APP: variants seen among roughly 807,000 people sequenced by gnomAD.
APP encodes the protein amyloid-beta precursor protein.
Under a neutral mutation model 101.4 loss-of-function variants are expected in APP, and 31 were observed. The observed-to-expected ratio is 0.31, with a 90% CI of 0.23 to 0.41. The LOEUF is 0.41. Ranked by LOEUF, APP falls within the 10% of genes least tolerant of loss-of-function variation. The pLI, the probability that APP is intolerant of heterozygous loss-of-function variation, is 1.00. For missense variants in APP, 839 were observed against 1,003.7 expected (o/e 0.84, Z 2.22); for synonymous variants, 366 against 364.4 (o/e 1.00, Z -0.05).
intron 2 of APP, among the ~76,000 whole-genome samples, chr21:26,101,106 T>C (rs1370891873): frequency 4.9e-5 from 7 of 143,434 alleles, no homozygotes; most frequent in Admixed American, 4.8e-4. Context: ...TTTTTTTTTT[T>C]TTTTTTTTTT....
intron 5 of APP, among the ~76,000 whole-genome samples, chr21:26,033,844 G>C (rs1038127335): frequency 2.0e-5 from 3 of 152,086 alleles, no homozygotes; most frequent in Non-Finnish European, 4.4e-5. Context: ...TGAGTAAGAG[G>C]AGGAATCTGA....
intron 1 of APP, among the ~76,000 whole-genome samples, chr21:26,128,793 C>T (rs1021923770): frequency 5.3e-5 from 8 of 151,550 alleles, no homozygotes; most frequent in African/African-American, 1.7e-4. Context: ...TGTATTTGAC[C>T]GTGGGCCACT....
In APP at chr21:26,071,168, A is replaced by G. The variant is rs1395291552; in HGVS notation, c.356-17820T>C. ...CTTAAGCAATAAAGCAAGGCATCAA[A>G]TGAAAGTGCACTCAGGCTTCAAACA... On this transcript the variant is annotated intron_variant, in intron 3 of 17. Coordinates refer to ENST00000346798, the MANE Select transcript of APP (RefSeq NM_000484.4). Among the ~76,000 whole-genome samples, 4 of 152,162 alleles carry G rather than the reference A, an allele frequency of 2.6e-5. No individual in the cohort carries two copies. The East Asian group carries it at 7.7e-4, about 29-fold the overall frequency.
At chr21:25,969,994 G>C (rs1029787600) in intron 11 of APP, among the ~76,000 whole-genome samples, 48 of 131,790 alleles carry the variant, frequency 3.6e-4, no homozygotes, top group African/African-American at 1.3e-3. Context: ...AGGAGAGAAA[G>C]AGAAACAGAG....
At chr21:26,092,268 A>T (rs1190990745) in intron 2 of APP, among the ~76,000 whole-genome samples, 1 of 152,230 alleles carries the variant, frequency 6.6e-6, no homozygotes, top group African/African-American at 2.4e-5. Flanking sequence ...CAGTTAAAAA[A>T]TAAGGTACTG....
At chr21:25,934,807 T>C (rs1031098808) in intron 13 of APP, 3 of 152,200 alleles carry the variant, frequency 2.0e-5, no homozygotes, top group Non-Finnish European at 2.9e-5. Flanking sequence ...AGCTCTATGA[T>C]AATAGTCTAA....
intron 5 of APP, among the ~76,000 whole-genome samples, chr21:26,039,136 G>A (rs1422061689): frequency 1.3e-5 from 2 of 152,266 alleles, no homozygotes; most frequent in East Asian, 1.9e-4. Context: ...TGAAATCACT[G>A]TAAGTGCAAT....
At chr21:25,899,788 T>C (rs192682595) in intron 15 of APP, among the ~76,000 whole-genome samples, 191 of 152,358 alleles carry the variant, frequency 1.3e-3, no homozygotes, top group African/African-American at 4.3e-3. Context: ...TCTCGCGTTA[T>C]TTGCTACGTA....
chr21:26,104,108 G>C (rs2062125475), intron 2 of APP, among the ~76,000 whole-genome samples: 1 of 152,094 alleles, frequency 6.6e-6, no homozygotes, highest in Non-Finnish European at 1.5e-5. Context: ...GGGAGAAAAA[G>C]GCAAGCTCTT....
rs142146068 is a variant in APP at position 26,038,900 on chromosome 21, G to A, written c.662+12100C>T. 4.9e-3 allele frequency among the ~76,000 whole-genome samples: 743 copies of A among 152,220 alleles called. 6 individuals are homozygous for A. Among genetic ancestry groups the A allele is most frequent in the African/African-American group, 0.017 (718 of 41,506 alleles). ...ATTAGTCGTTTTGGAAGCAAATACC[G>A]TGATACAGATTATTGCAATTTTCCC... On this transcript the variant is annotated intron_variant, in intron 5 of 17. Transcript: ENST00000346798.
chr21:26,136,193 G>GAAAA lies in APP; in HGVS notation c.58-24048_58-24047insTTTT, dbSNP rs1555882211. Among the ~76,000 whole-genome samples the GAAAA allele has an allele frequency of 7.6e-5, 7 of 92,052 alleles. 1 individual carries two copies. Among genetic ancestry groups the GAAAA allele is most frequent in the Admixed American group, 1.2e-4 (1 of 8,500 alleles). The allele number at this position is 92,052 out of a possible 152,430, so 60.4% of individuals were successfully genotyped here. A position where few individuals can be genotyped will look rare whatever the true frequency, so the allele number is the denominator to read the frequency against. On this transcript the variant is annotated intron_variant, in intron 1 of 17. Transcript: ENST00000346798. ...GAAAAGAAAGAAAGAAAGAAAGAAA[G>GAAAA]AAAGAAAGAAAAGAAAAGAAAGAAA... is the stretch of plus-strand genomic sequence containing the variant.
intron 1 of APP, among the ~76,000 whole-genome samples, chr21:26,125,633 A>C (rs765513234): frequency 2.6e-5 from 4 of 151,956 alleles, no homozygotes; most frequent in Admixed American, 2.6e-4. Flanking sequence ...AACAGGCATT[A>C]TTAGAGTGCA....
At position 25,881,315 on chromosome 21, in the gene APP, T is replaced by C. The variant is rs939934369; in HGVS notation, c.*355A>G. On this transcript the variant is annotated 3_prime_UTR_variant, in exon 18 of 18. Coordinates refer to ENST00000346798, the MANE Select transcript of APP (RefSeq NM_000484.4). ...AAAGCATATGTAAAGTAGGACTTAA[T>C]TGGGTCACAAACCACAAGAATAATA... The C allele has an allele frequency of 4.2e-5, 14 of 335,556 alleles. No homozygotes were observed. The East Asian group carries it at 7.8e-4, about 19-fold the overall frequency. 20.8% of individuals were successfully genotyped at this position (335,556 alleles called of 1,614,324 possible). A position where few individuals can be genotyped will look rare whatever the true frequency, so the allele number is the denominator to read the frequency against.
chr21:26,133,000 G>A (rs112650415), intron 1 of APP, among the ~76,000 whole-genome samples: 4,535 of 152,228 alleles, frequency 0.03, 220 homozygotes, highest in African/African-American at 0.1. Context: ...CACTTAGGGA[G>A]GCATGGGTGG....
At chr21:25,955,575 C>A (rs948811481) in intron 12 of APP, 52 bp downstream of exon 12, 9 of 1,613,286 alleles carry the variant, frequency 5.6e-6, no homozygotes, top group Admixed American at 1.7e-5. Context: ...ACCCAAGAAG[C>A]AAGAATCCTG....
At chr21:26,122,479 C>A (rs1398130806) in intron 1 of APP, among the ~76,000 whole-genome samples, 1 of 152,086 alleles carries the variant, frequency 6.6e-6, no homozygotes, top group African/African-American at 2.4e-5. Context: ...GAGTGAGTAC[C>A]CACTAAGCTT....
chr21:26,041,031 T>C (rs190932198), intron 5 of APP, among the ~76,000 whole-genome samples: 1 of 152,354 alleles, frequency 6.6e-6, no homozygotes, highest in Non-Finnish European at 1.5e-5. Context: ...ACAGATTTTG[T>C]TCACTCTCTA....
chr21:25,994,343 T>C (rs2042975767), intron 8 of APP, among the ~76,000 whole-genome samples: 1 of 152,196 alleles, frequency 6.6e-6, no homozygotes, highest in South Asian at 2.1e-4. Flanking sequence ...TTTTTTTTAA[T>C]GATTTGAATT....
intron 3 of APP, among the ~76,000 whole-genome samples, chr21:26,062,494 C>T (rs187616900): frequency 2.0e-5 from 3 of 151,776 alleles, no homozygotes; most frequent in Admixed American, 2.0e-4. Flanking sequence ...GAAACCCCGT[C>T]TCTACTAAAA....
Sources: gnomAD v4.1 joint callset for allele counts (sites outside exome capture counted in the v4.1 genomes callset) on GRCh38, gnomAD v4.1.1 for gene constraint, MANE v1.5 for transcripts, NCBI Gene and HGNC (gene_info 2026-07-23, HGNC 2026-07-21) for gene names.